NRXN1: variants seen among roughly 807,000 people sequenced by gnomAD.
The protein encoded by NRXN1 is neurexin 1, also known as neurexin-1.
NRXN1 carries 39 observed loss-of-function variants against 150.9 expected under a neutral mutation model. The observed-to-expected ratio is 0.26, with a 90% CI of 0.20 to 0.34. The LOEUF is 0.34. Ranked by LOEUF, NRXN1 falls within the 10% of genes least tolerant of loss-of-function variation. The pLI, the probability that NRXN1 is intolerant of heterozygous loss-of-function variation, is 1.00. For missense variants in NRXN1, 1,815 were observed against 1,949.9 expected, an observed-to-expected ratio of 0.93 and a Z score of 1.30; for synonymous variants, 924 against 757.0, an observed-to-expected ratio of 1.22 and a Z score of -3.62.
chr2:50,373,611 GAGAGAGAGAGAAAGA>G (rs2080203097), intron 17 of NRXN1, among the ~76,000 whole-genome samples: 1 of 126,424 alleles, frequency 7.9e-6, no homozygotes, highest in African/African-American at 3.1e-5. Flanking sequence ...GAGAAAGAAA[GAGAGAGAGAGAAAGA>G]AAAGAAAGAA....
At chr2:50,149,554 C>A (rs976683780) in intron 18 of NRXN1, among the ~76,000 whole-genome samples, 1 of 151,696 alleles carries the variant, frequency 6.6e-6, no homozygotes, top group Admixed American at 6.6e-5. Flanking sequence ...AATTCGAATT[C>A]ATTCTAGTGC....
rs2073736656 is a variant in NRXN1, at chr2:50,297,582, A to C, written c.3365-60612T>G. On this transcript the variant is annotated intron_variant, in intron 17 of 22. Coordinates refer to ENST00000401669, the MANE Select transcript of NRXN1 (RefSeq NM_001330078.2). ...AGTTAATTCAGCTCTGCCCTATTTC[A>C]ACGTTTGCATTCTCTTTTCACTCTG... 2.0e-5 allele frequency among the ~76,000 whole-genome samples: 3 copies of C among 152,220 alleles called. No individual in the cohort carries two copies. The South Asian group carries it at 6.2e-4, about 31-fold the overall frequency.
At chr2:50,126,300 TC>T (rs1574051288) in intron 18 of NRXN1, among the ~76,000 whole-genome samples, 1 of 152,192 alleles carries the variant, frequency 6.6e-6, no homozygotes, top group East Asian at 1.9e-4. Flanking sequence ...TGGCTATAAT[TC>T]ACCTTCTCTT....
At chr2:50,330,561 C>T (rs574154512) in intron 17 of NRXN1, among the ~76,000 whole-genome samples, 36 of 152,180 alleles carry the variant, frequency 2.4e-4, no homozygotes, top group African/African-American at 8.2e-4. Context: ...TAGTTTCTCT[C>T]CATTAAAAAA....
At chr2:50,558,451 G>A (rs12615362) in intron 8 of NRXN1, among the ~76,000 whole-genome samples, 2 of 151,936 alleles carry the variant, frequency 1.3e-5, no homozygotes, top group Non-Finnish European at 2.9e-5. Context: ...TTACATGTGC[G>A]TTCTAAATAC....
intron 17 of NRXN1, among the ~76,000 whole-genome samples, chr2:50,366,926 A>G (rs1572699045): frequency 6.6e-6 from 1 of 152,038 alleles, no homozygotes; most frequent in Non-Finnish European, 1.5e-5. Flanking sequence ...TTAATCCTAT[A>G]TAAGTCAGGT....
intron 5 of NRXN1, among the ~76,000 whole-genome samples, chr2:50,664,396 CGTGTGTGTGTGTGTGTGT>C (rs35702112): frequency 7.4e-5 from 8 of 108,038 alleles, no homozygotes; most frequent in South Asian, 4.1e-4. Context: ...AAGTTTAAAG[CGTGTGTGTGTGTGTGTGT>C]GTGTGTGTGT....
chr2:50,657,081 C>A (rs1168114476), intron 5 of NRXN1, among the ~76,000 whole-genome samples: 1 of 152,050 alleles, frequency 6.6e-6, no homozygotes, highest in African/African-American at 2.4e-5. Context: ...TCTCGTCTCT[C>A]TCAGAGTAAA....
chr2:50,893,262 G>T (rs891925467), intron 5 of NRXN1, among the ~76,000 whole-genome samples: 4 of 152,096 alleles, frequency 2.6e-5, no homozygotes, highest in African/African-American at 9.7e-5. Flanking sequence ...TTTAGGGTAG[G>T]TAATACATTA....
chr2:50,753,606 T>G (rs1700851492), intron 5 of NRXN1, among the ~76,000 whole-genome samples: 1 of 151,884 alleles, frequency 6.6e-6, no homozygotes, highest in South Asian at 2.1e-4. Flanking sequence ...TTTTGACCAT[T>G]TCTAGTTATC....
chr2:50,616,683 A>G (rs1679115080), intron 8 of NRXN1, among the ~76,000 whole-genome samples: 2 of 152,186 alleles, frequency 1.3e-5, no homozygotes, highest in African/African-American at 4.8e-5. Flanking sequence ...GTTTCCCCAA[A>G]GGAAGAAAGT....
intron 2 of NRXN1, among the ~76,000 whole-genome samples, chr2:50,930,291 A>G (rs1687548847): frequency 6.6e-6 from 1 of 152,074 alleles, no homozygotes; most frequent in Admixed American, 6.6e-5. Context: ...AAACACTTAA[A>G]ACAATTTCCC....
chr2:50,318,444 C>A (rs1239500751), intron 17 of NRXN1, among the ~76,000 whole-genome samples: 4 of 152,060 alleles, frequency 2.6e-5, no homozygotes, highest in African/African-American at 9.7e-5. Context: ...TGAGTCTATG[C>A]CCTAGAGAAA....
intron 5 of NRXN1, among the ~76,000 whole-genome samples, chr2:50,827,942 G>A (rs1183335528): frequency 1.8e-4 from 26 of 145,474 alleles, no homozygotes; most frequent in Non-Finnish European, 2.8e-4. Flanking sequence ...AGATCAACAG[G>A]ATCCCAAGGC....
chr2:50,388,092 A>G (rs2081441782), intron 17 of NRXN1, among the ~76,000 whole-genome samples: 1 of 152,212 alleles, frequency 6.6e-6, no homozygotes, highest in Non-Finnish European at 1.5e-5. Flanking sequence ...TTTAAGGTAC[A>G]TGCTGAGTAA....
intron 5 of NRXN1, among the ~76,000 whole-genome samples, chr2:50,691,207 T>C (rs1481569552): frequency 6.6e-6 from 1 of 152,140 alleles, no homozygotes; most frequent in Non-Finnish European, 1.5e-5. Context: ...GAAGTAAAAT[T>C]TCTTAGCTTA....
chr2:50,142,897 T>C (rs1707477549), intron 18 of NRXN1, among the ~76,000 whole-genome samples: 3 of 151,822 alleles, frequency 2.0e-5, no homozygotes, highest in Admixed American at 2.0e-4. Flanking sequence ...CTACAAAGAA[T>C]ACAGTAAGAA....
chr2:49,918,887 C>G lies in NRXN1; in HGVS notation c.*3057G>C, dbSNP rs1443108423. ...GTTGTATTAAGAAATATTTTATTAA[C>G]AAAACAGTAAATTCCACTTGCTTAG... On this transcript the variant is annotated 3_prime_UTR_variant, in exon 23 of 23. Transcript: ENST00000401669. 2 of 151,954 alleles carry G rather than the reference C, an allele frequency of 1.3e-5. No individual in the cohort carries two copies. The highest frequency in any genetic ancestry group is 4.8e-5 in the African/African-American group (2 of 41,398). 9.4% of individuals were successfully genotyped at this position (151,954 alleles called of 1,614,324 possible). A position where few individuals can be genotyped will look rare whatever the true frequency, so the allele number is the denominator to read the frequency against.
intron 17 of NRXN1, among the ~76,000 whole-genome samples, chr2:50,454,596 A>G (rs578125468): frequency 2.0e-5 from 3 of 151,774 alleles, no homozygotes; most frequent in South Asian, 2.1e-4. Flanking sequence ...AGCATAATAA[A>G]TTACTCCTGC....
Sources: gnomAD v4.1 joint callset for allele counts (sites outside exome capture counted in the v4.1 genomes callset) on GRCh38, gnomAD v4.1.1 for gene constraint, MANE v1.5 for transcripts, NCBI Gene and HGNC (gene_info 2026-07-23, HGNC 2026-07-21) for gene names.